STXBP5L: variants seen among roughly 807,000 people sequenced by gnomAD.
STXBP5L encodes syntaxin binding protein 5L.
In STXBP5L, 65 loss-of-function variants were observed where a neutral mutation model predicts 144.5. The ratio of observed to expected loss-of-function variants is 0.45; its 90% CI spans 0.37 to 0.55. The LOEUF is 0.55. STXBP5L is among the 20% of genes least tolerant of loss of function. STXBP5L has a pLI of 0.00. For missense variants in STXBP5L, 1,298 were observed against 1,405.5 expected (o/e 0.92, Z 1.22); for synonymous variants, 505 against 469.6 (o/e 1.08, Z -0.97).
At chr3:121,081,681 G>A (rs946338829) in intron 5 of STXBP5L, among the ~76,000 whole-genome samples, 1 of 152,118 alleles carries the variant, frequency 6.6e-6, no homozygotes, top group South Asian at 2.1e-4. Context: ...CAACCTTCAG[G>A]CCAATAGGGG....
intron 22 of STXBP5L, among the ~76,000 whole-genome samples, chr3:121,404,570 G>A (rs939452239): frequency 2.0e-5 from 3 of 152,020 alleles, no homozygotes; most frequent in Non-Finnish European, 2.9e-5. Flanking sequence ...ACATGATGTG[G>A]CTCTACTTTA....
At chr3:121,080,729 T>G (rs910137153) in intron 5 of STXBP5L, among the ~76,000 whole-genome samples, 1 of 152,258 alleles carries the variant, frequency 6.6e-6, no homozygotes, top group Non-Finnish European at 1.5e-5. Flanking sequence ...TAGGTTTTTC[T>G]TTATAGGTTA....
At chr3:120,974,585 GC>G (rs1453586225) in intron 3 of STXBP5L, among the ~76,000 whole-genome samples, 1 of 152,174 alleles carries the variant, frequency 6.6e-6, no homozygotes, top group African/African-American at 2.4e-5. Context: ...TGCTGCCATT[GC>G]TTTTGGTGTT....
chr3:121,052,327 A>T (rs1007668528), intron 5 of STXBP5L, among the ~76,000 whole-genome samples: 6 of 152,204 alleles, frequency 3.9e-5, no homozygotes, highest in African/African-American at 1.4e-4. Flanking sequence ...CCTGATGAAC[A>T]TCGATGCAAA....
chr3:121,206,410 C>T (rs568879806), intron 10 of STXBP5L, among the ~76,000 whole-genome samples: 28 of 151,798 alleles, frequency 1.8e-4, no homozygotes, highest in Non-Finnish European at 3.2e-4. Flanking sequence ...ACAGTTTGTT[C>T]GAAAGATAAA....
intron 11 of STXBP5L, among the ~76,000 whole-genome samples, chr3:121,228,624 C>G (rs1171614426): frequency 2.0e-5 from 3 of 152,204 alleles, no homozygotes; most frequent in Non-Finnish European, 4.4e-5. Flanking sequence ...TGCCTGTAAT[C>G]CCAACACTTT....
intron 2 of STXBP5L, among the ~76,000 whole-genome samples, chr3:120,951,854 A>G (rs1171801332): frequency 6.6e-6 from 1 of 152,084 alleles, no homozygotes; most frequent in African/African-American, 2.4e-5. Flanking sequence ...ACACATGCAC[A>G]CGTATGTTTA....
At chr3:120,973,033 C>T (rs902625190) in intron 3 of STXBP5L, among the ~76,000 whole-genome samples, 6 of 151,842 alleles carry the variant, frequency 4.0e-5, no homozygotes, top group Non-Finnish European at 8.8e-5. Context: ...TATAGTTTTC[C>T]TTTTTGTTGT....
At chr3:121,293,822 T>A (rs1476017131) in intron 19 of STXBP5L, among the ~76,000 whole-genome samples, 1 of 152,132 alleles carries the variant, frequency 6.6e-6, no homozygotes, top group Non-Finnish European at 1.5e-5. Context: ...GATGGTGCCA[T>A]TGCACTCCAG....
chr3:121,005,907 G>T (rs1415394887), intron 3 of STXBP5L, among the ~76,000 whole-genome samples: 4 of 152,142 alleles, frequency 2.6e-5, no homozygotes, highest in South Asian at 4.1e-4. Context: ...TTGCACTGTG[G>T]TCTGAGAGAC....
chr3:121,053,771 C>T (rs1416214764), intron 5 of STXBP5L, among the ~76,000 whole-genome samples: 1 of 151,990 alleles, frequency 6.6e-6, no homozygotes, highest in Non-Finnish European at 1.5e-5. Context: ...TTCTGCACAG[C>T]AAAAGAAACT....
At chr3:121,377,850 A>G (rs1415273222) in intron 20 of STXBP5L, among the ~76,000 whole-genome samples, 1 of 152,204 alleles carries the variant, frequency 6.6e-6, no homozygotes. Context: ...AAATCTTTCT[A>G]CTATAAAGAC....
chr3:121,177,959 A>G (rs2046998583), intron 9 of STXBP5L, among the ~76,000 whole-genome samples: 1 of 152,208 alleles, frequency 6.6e-6, no homozygotes, highest in East Asian at 1.9e-4. Context: ...AAATAGGGAA[A>G]TTCTGAACAT....
At chr3:121,162,032 G>A (rs1156645193) in intron 9 of STXBP5L, among the ~76,000 whole-genome samples, 1 of 152,048 alleles carries the variant, frequency 6.6e-6, no homozygotes, top group African/African-American at 2.4e-5. Context: ...ACATGTAACA[G>A]TAGAATTCTG....
chr3:121,284,065 G>A lies in STXBP5L; in HGVS notation c.2110+4109G>A, dbSNP rs149806325. On this transcript the variant is annotated intron_variant, in intron 19 of 26. Transcript: ENST00000471454. ...CTAAATTGGAGACTGAAGGTCAGGA[G>A]CAGAAGCGGGCTCTTAGTTCATCAG... Among the ~76,000 whole-genome samples, 645 of 152,124 alleles carry A rather than the reference G, an allele frequency of 4.2e-3. 4 individuals are homozygous for A. The highest frequency in any genetic ancestry group is 0.015 in the African/African-American group (614 of 41,528).
At chr3:121,350,789 A>C (rs1047338834) in intron 20 of STXBP5L, among the ~76,000 whole-genome samples, 2 of 152,050 alleles carry the variant, frequency 1.3e-5, no homozygotes, top group Non-Finnish European at 2.9e-5. Flanking sequence ...CGTTGTTCTC[A>C]TGCCATGGTT....
At chr3:121,278,396 T>C (rs1221422877) in intron 18 of STXBP5L, among the ~76,000 whole-genome samples, 1 of 152,014 alleles carries the variant, frequency 6.6e-6, no homozygotes. Flanking sequence ...CTCAGTATTC[T>C]TATTTTTAAT....
intron 3 of STXBP5L, among the ~76,000 whole-genome samples, chr3:120,968,846 C>T (rs1302030509): frequency 2.6e-5 from 4 of 152,032 alleles, no homozygotes; most frequent in Admixed American, 6.6e-5. Flanking sequence ...AATGGCCTCC[C>T]GCTCCATCTA....
At chr3:121,318,691 A>G (rs1001141590) in intron 20 of STXBP5L, 151 bp downstream of exon 20, 44 of 466,326 alleles carry the variant, frequency 9.4e-5, no homozygotes, top group African/African-American at 8.9e-4. Flanking sequence ...TTTGATTCCA[A>G]ATATCAAATA....
Sources: gnomAD v4.1 joint callset for allele counts (sites outside exome capture counted in the v4.1 genomes callset) on GRCh38, gnomAD v4.1.1 for gene constraint, MANE v1.5 for transcripts, NCBI Gene and HGNC (gene_info 2026-07-23, HGNC 2026-07-21) for gene names.